SEPTIN7: variants seen among roughly 807,000 people sequenced by gnomAD.
The protein encoded by SEPTIN7 is septin 7.
In SEPTIN7, 10 loss-of-function variants were observed where a neutral mutation model predicts 63.3. The observed-to-expected ratio is 0.16, with a 90% CI of 0.10 to 0.27. The LOEUF is 0.27. Ranked by LOEUF, SEPTIN7 falls within the 10% of genes least tolerant of loss-of-function variation. The probability of loss-of-function intolerance (pLI) is 1.00; values close to 1 mark genes in which losing one functional copy is unlikely to be tolerated. For missense variants in SEPTIN7, 310 were observed against 521.0 expected (o/e 0.59, Z 3.94); for synonymous variants, 131 against 165.3 (o/e 0.79, Z 1.59).
intron 1 of SEPTIN7, among the ~76,000 whole-genome samples, chr7:35,826,322 T>G (rs1365866567): frequency 6.6e-6 from 1 of 151,222 alleles, no homozygotes; most frequent in African/African-American, 2.4e-5. Flanking sequence ...GTTTTTCATA[T>G]TTAGAATTAC....
At chr7:35,844,289 T>C (rs1331939803) in intron 3 of SEPTIN7, among the ~76,000 whole-genome samples, 1 of 152,242 alleles carries the variant, frequency 6.6e-6, no homozygotes, top group Non-Finnish European at 1.5e-5. Context: ...GTGGTAACTT[T>C]ATTAGTCTGA....
Position 35,905,477 on chromosome 7 carries a change from C to G in SEPTIN7, c.*1184C>G, listed in dbSNP as rs992788446. ...CTAATTTAAGAGATACCATATCTCT[C>G]TATTCATTTCTATCTCTCATTTGTA... On this transcript the variant is annotated 3_prime_UTR_variant, in exon 14 of 14. Transcript: ENST00000350320. The G allele has an allele frequency of 2.0e-5, 3 of 152,164 alleles. No individual in the cohort carries two copies. Among genetic ancestry groups the G allele is most frequent in the African/African-American group, 7.2e-5 (3 of 41,518 alleles). The allele number at this position is 152,164 out of a possible 1,614,324, so 9.4% of individuals were successfully genotyped here.
intron 4 of SEPTIN7, among the ~76,000 whole-genome samples, chr7:35,870,267 A>AT (rs1199541154): frequency 1.3e-5 from 2 of 152,344 alleles, no homozygotes; most frequent in Admixed American, 1.3e-4. Context: ...TCAATAAGTA[A>AT]TTAAGTTGTT....
intron 1 of SEPTIN7, among the ~76,000 whole-genome samples, chr7:35,801,820 G>A (rs372355815): frequency 1.3e-5 from 2 of 152,210 alleles, no homozygotes; most frequent in East Asian, 1.9e-4. Context: ...GGATGCACCA[G>A]GCTGAGGCTG....
chr7:35,890,151 G>A (rs905627754), intron 10 of SEPTIN7, among the ~76,000 whole-genome samples: 8 of 152,118 alleles, frequency 5.3e-5, no homozygotes, highest in South Asian at 4.2e-4. Context: ...TTGTTTAACC[G>A]AAATACCACT....
chr7:35,817,020 T>C (rs1318131116), intron 1 of SEPTIN7, among the ~76,000 whole-genome samples: 1 of 152,024 alleles, frequency 6.6e-6, no homozygotes, highest in Non-Finnish European at 1.5e-5. Context: ...TTTTTTTTTT[T>C]TTACGTTCTT....
At chr7:35,896,729 G>T (rs1293331977) in intron 11 of SEPTIN7, among the ~76,000 whole-genome samples, 1 of 152,154 alleles carries the variant, frequency 6.6e-6, no homozygotes, top group African/African-American at 2.4e-5. Context: ...TTCATTTTCA[G>T]AACTTTTGAT....
chr7:35,852,432 G>T (rs1332711800), intron 3 of SEPTIN7, among the ~76,000 whole-genome samples: 1 of 151,992 alleles, frequency 6.6e-6, no homozygotes, highest in Non-Finnish European at 1.5e-5. Context: ...AGATAACTTG[G>T]ATTAAGGGTA....
intron 9 of SEPTIN7, among the ~76,000 whole-genome samples, chr7:35,884,751 C>T (rs931955566): frequency 7.2e-5 from 11 of 152,200 alleles, no homozygotes; most frequent in East Asian, 1.9e-4. Context: ...AAAAAAATTT[C>T]GTTAATAAGA....
chr7:35,831,715 G>A (rs1177080738), intron 2 of SEPTIN7: 8 of 230,776 alleles, frequency 3.5e-5, no homozygotes, highest in South Asian at 9.9e-5. Context: ...AATGGGCTTC[G>A]TTTTTAAAAT....
intron 1 of SEPTIN7, among the ~76,000 whole-genome samples, chr7:35,820,247 T>TA (rs1172498610): frequency 6.6e-6 from 1 of 152,146 alleles, no homozygotes; most frequent in Non-Finnish European, 1.5e-5. Context: ...TCTTTGATTT[T>TA]ATCTTATTCA....
intron 1 of SEPTIN7, among the ~76,000 whole-genome samples, chr7:35,828,298 C>T (rs1783621919): frequency 6.6e-6 from 1 of 152,134 alleles, no homozygotes; most frequent in African/African-American, 2.4e-5. Context: ...AGTGAATCCT[C>T]CATCCCTGAG....
At chr7:35,869,322 C>A (rs1442964657) in intron 4 of SEPTIN7, among the ~76,000 whole-genome samples, 1 of 152,146 alleles carries the variant, frequency 6.6e-6, no homozygotes, top group African/African-American at 2.4e-5. Flanking sequence ...AACTGTTTTA[C>A]TATTGGTCAC....
intron 10 of SEPTIN7, among the ~76,000 whole-genome samples, chr7:35,889,580 A>G (rs1346417691): frequency 1.3e-5 from 2 of 152,130 alleles, no homozygotes; most frequent in Admixed American, 6.6e-5. Flanking sequence ...TCTCTTGCTC[A>G]TGTACTCAGG....
At chr7:35,829,111 T>A (rs1783675517) in intron 1 of SEPTIN7, among the ~76,000 whole-genome samples, 3 of 149,578 alleles carry the variant, frequency 2.0e-5, no homozygotes. Context: ...TTCACTTCAT[T>A]ATAGTTCATG....
chr7:35,805,786 A>G (rs1788293024), intron 1 of SEPTIN7, among the ~76,000 whole-genome samples: 2 of 152,232 alleles, frequency 1.3e-5, no homozygotes, highest in East Asian at 1.9e-4. Flanking sequence ...TGTGAAATAT[A>G]AAGATGATAT....
intron 1 of SEPTIN7, among the ~76,000 whole-genome samples, chr7:35,825,663 T>A (rs1783475455): frequency 6.6e-6 from 1 of 152,284 alleles, no homozygotes; most frequent in African/African-American, 2.4e-5. Context: ...AGGGATCTTG[T>A]TTTTATTAGC....
At chr7:35,858,462 TCTC>T (rs1370116231) in intron 3 of SEPTIN7, among the ~76,000 whole-genome samples, 5 of 151,910 alleles carry the variant, frequency 3.3e-5, no homozygotes, top group African/African-American at 9.7e-5. Flanking sequence ...TTCAAGCAAT[TCTC>T]CTGCCTAAGC....
intron 2 of SEPTIN7, 42 bp from the exon 3 acceptor site, chr7:35,832,756 C>T: frequency 9.8e-7 from 1 of 1,025,092 alleles, no homozygotes; most frequent in Non-Finnish European, 1.6e-6. Context: ...TTGAATAGTA[C>T]TGTTGATACA....
Sources: allele counts gnomAD v4.1 joint callset (sites outside exome capture counted in the v4.1 genomes callset), GRCh38; gene constraint gnomAD v4.1.1; transcripts MANE v1.5; gene names NCBI Gene and HGNC (gene_info 2026-07-23, HGNC 2026-07-21).